The following SYCP1 variants were observed in gnomAD, a reference collection of about 807,000 sequenced individuals.
The protein encoded by SYCP1 is cancer/testis antigen 8.
A neutral mutation model predicts 153.1 loss-of-function variants in SYCP1; 64 were observed. The ratio of observed to expected loss-of-function variants is 0.42; its 90% CI spans 0.34 to 0.51. The LOEUF is 0.51. Among genes scored for constraint, SYCP1 ranks in the 20% least tolerant of loss-of-function variants. The pLI is 0.06. For synonymous variants in SYCP1, 384 were observed against 341.8 expected, an observed-to-expected ratio of 1.12 and a Z score of -1.36; for missense variants, 997 against 1,049.0, an observed-to-expected ratio of 0.95 and a Z score of 0.68.
intron 27 of SYCP1, among the ~76,000 whole-genome samples, chr1:114,953,961 A>G (rs1022270964): frequency 1.3e-5 from 2 of 152,168 alleles, no homozygotes; most frequent in African/African-American, 4.8e-5. Context: ...TTCTTTCATA[A>G]GAATTTCATA....
intron 19 of SYCP1, among the ~76,000 whole-genome samples, chr1:114,913,655 G>A (rs757065614): frequency 2.0e-5 from 3 of 152,042 alleles, no homozygotes; most frequent in Non-Finnish European, 2.9e-5. Flanking sequence ...GTCTTAAAAG[G>A]TGAATTATGA....
At chr1:114,988,731 G>C (rs749241428) in intron 30 of SYCP1, among the ~76,000 whole-genome samples, 1 of 151,946 alleles carries the variant, frequency 6.6e-6, no homozygotes, top group Admixed American at 6.6e-5. Flanking sequence ...TCTGGTAAAC[G>C]TAAATACATG....
intron 27 of SYCP1, among the ~76,000 whole-genome samples, chr1:114,956,483 C>G (rs188057446): frequency 5.9e-5 from 9 of 152,294 alleles, no homozygotes; most frequent in Admixed American, 5.9e-4. Context: ...CTCTCAGCCA[C>G]CAAGATTAGG....
At chr1:114,877,093 C>A (rs977608348) in intron 11 of SYCP1, among the ~76,000 whole-genome samples, 1 of 151,916 alleles carries the variant, frequency 6.6e-6, no homozygotes, top group African/African-American at 2.4e-5. Context: ...TTTGTGAGAA[C>A]TTTTGTTCAG....
intron 27 of SYCP1, among the ~76,000 whole-genome samples, chr1:114,950,910 C>T (rs1380971670): frequency 1.3e-5 from 2 of 151,796 alleles, no homozygotes; most frequent in Non-Finnish European, 2.9e-5. Flanking sequence ...CTGCAAGCTC[C>T]ACCTCCCGGG....
chr1:114,863,477 C>T (rs554393631), intron 8 of SYCP1, among the ~76,000 whole-genome samples: 11 of 152,152 alleles, frequency 7.2e-5, no homozygotes, highest in Admixed American at 1.3e-4. Context: ...CGCTTGAACC[C>T]GGGAGGCGGA....
At chr1:114,900,639 C>A (rs887658279) in intron 16 of SYCP1, among the ~76,000 whole-genome samples, 1 of 152,226 alleles carries the variant, frequency 6.6e-6, no homozygotes, top group African/African-American at 2.4e-5. Flanking sequence ...ACATGTAAAT[C>A]TATTTCCAGT....
At chr1:114,869,600 A>T (rs1391329080) in intron 8 of SYCP1, among the ~76,000 whole-genome samples, 1 of 152,200 alleles carries the variant, frequency 6.6e-6, no homozygotes, top group Non-Finnish European at 1.5e-5. Flanking sequence ...AAAAATCCCA[A>T]ATCTAAAATA....
At chr1:114,979,948 T>C (rs1182224039) in intron 28 of SYCP1, among the ~76,000 whole-genome samples, 2 of 151,838 alleles carry the variant, frequency 1.3e-5, no homozygotes, top group Non-Finnish European at 2.9e-5. Flanking sequence ...TACTCTAATT[T>C]AAACGCACTG....
At chr1:114,886,068 C>CT in intron 13 of SYCP1, 57 bp from the exon 14 acceptor site, 2 of 1,228,650 alleles carry the variant, frequency 1.6e-6, no homozygotes, top group Non-Finnish European at 2.2e-6. Flanking sequence ...ATAAGTTCAG[C>CT]TTTTTTGGTT....
At chr1:114,918,241 G>A (rs7556186) in intron 20 of SYCP1, among the ~76,000 whole-genome samples, 9,259 of 151,882 alleles carry the variant, frequency 0.061, 320 homozygotes, top group Middle Eastern at 0.14. Context: ...ACTGTGTATC[G>A]AGACTATCCT....
chr1:114,983,074 T>C (rs1386122823), intron 29 of SYCP1, among the ~76,000 whole-genome samples: 1 of 152,020 alleles, frequency 6.6e-6, no homozygotes, highest in Non-Finnish European at 1.5e-5. Flanking sequence ...TATATGTGTA[T>C]AAGGGCATGC....
intron 27 of SYCP1, among the ~76,000 whole-genome samples, chr1:114,955,320 T>C (rs360683): frequency 0.19 from 28,243 of 152,096 alleles, 3,138 homozygotes; most frequent in East Asian, 0.45. Context: ...AGATTTAATC[T>C]GCTAATTTTT....
At chr1:114,966,053 C>T (rs563647888) in intron 27 of SYCP1, among the ~76,000 whole-genome samples, 175 of 152,268 alleles carry the variant, frequency 1.1e-3, no homozygotes, top group African/African-American at 4.2e-3. Context: ...GATTTGACTT[C>T]TCCCTGGTTT....
chr1:114,928,596 A>G (rs1669414079), intron 23 of SYCP1, among the ~76,000 whole-genome samples: 1 of 152,198 alleles, frequency 6.6e-6, no homozygotes, highest in Non-Finnish European at 1.5e-5. Context: ...AAAAGGCGAT[A>G]TATTTTTCTT....
intron 8 of SYCP1, among the ~76,000 whole-genome samples, chr1:114,872,872 C>T (rs1166226957): frequency 6.6e-6 from 1 of 152,074 alleles, no homozygotes; most frequent in Non-Finnish European, 1.5e-5. Context: ...CTAGGCTGGT[C>T]TCCAACTCCT....
At chr1:114,992,312 G>C (rs1281437630) in intron 30 of SYCP1, among the ~76,000 whole-genome samples, 1 of 151,504 alleles carries the variant, frequency 6.6e-6, no homozygotes, top group East Asian at 1.9e-4. Context: ...AATTAATGTG[G>C]AATTGCAAAG....
At chr1:114,987,345 C>T (rs573692649) in intron 30 of SYCP1, among the ~76,000 whole-genome samples, 40 of 151,982 alleles carry the variant, frequency 2.6e-4, no homozygotes, top group African/African-American at 9.6e-4. Context: ...TCCAGAGTTA[C>T]CAAAGTATAA....
chr1:114,908,026 A>AT (rs1440040446), intron 16 of SYCP1, among the ~76,000 whole-genome samples: 5 of 151,752 alleles, frequency 3.3e-5, no homozygotes, highest in Non-Finnish European at 5.9e-5. Flanking sequence ...GATATTCTTT[A>AT]TTTTTTCCTG....
Sources: gnomAD v4.1 joint callset for allele counts (sites outside exome capture counted in the v4.1 genomes callset) on GRCh38, gnomAD v4.1.1 for gene constraint, MANE v1.5 for transcripts, NCBI Gene and HGNC (gene_info 2026-07-23, HGNC 2026-07-21) for gene names.